LIMCH1: variants seen among roughly 807,000 people sequenced by gnomAD.
The protein encoded by LIMCH1 is LIM and calponin homology domains 1, also known as LIM and calponin homology domains-containing protein 1.
Under a neutral mutation model 176.5 loss-of-function variants are expected in LIMCH1, and 113 were observed. That is an observed-to-expected ratio of 0.64 (90% CI 0.55 to 0.75). The LOEUF (loss-of-function observed/expected upper bound fraction) is 0.75. Among genes scored for constraint, LIMCH1 ranks in the 30% least tolerant of loss-of-function variants. The pLI is 0.00. For missense variants in LIMCH1, 1,674 were observed against 1,814.9 expected, an observed-to-expected ratio of 0.92 and a Z score of 1.41; for synonymous variants, 619 against 645.9, an observed-to-expected ratio of 0.96 and a Z score of 0.63.
Position 41,692,331 on chromosome 4 carries a change from T to A in LIMCH1, c.4325T>A (p.Val1442Asp), listed in dbSNP as rs1726715123. 1 of 1,613,654 alleles carries A rather than the reference T, an allele frequency of 6.2e-7. No individual in the cohort carries two copies. ...QLGDAVSGTD[V>D]RIRNGLLNCN... ...GGAGATGCAGTGAGTGGGACGGATG[T>A]TAGGATTCGAAATGGTCTCCTGAAC... Residue 1442 changes from valine (V) to aspartate (D), a missense_variant, in exon 31 of 32, where the codon GTT (valine) becomes GAT (aspartate). Physicochemically the swap from Val to Asp is radical, Grantham distance 152 (BLOSUM62 -3). Coordinates refer to ENST00000503057, the MANE Select transcript of LIMCH1 (RefSeq NM_001330672.2).
At chr4:41,394,856 T>C (rs1186189886) in intron 1 of LIMCH1, among the ~76,000 whole-genome samples, 1 of 152,210 alleles carries the variant, frequency 6.6e-6, no homozygotes, top group African/African-American at 2.4e-5. Context: ...GAACACTGCC[T>C]GTGTCCCTAG....
At chr4:41,370,202 C>T (rs1010876646) in intron 1 of LIMCH1, among the ~76,000 whole-genome samples, 1 of 152,132 alleles carries the variant, frequency 6.6e-6, no homozygotes, top group African/African-American at 2.4e-5. Context: ...CTCTCACCTT[C>T]TCTTTCTTTC....
At chr4:41,620,070 C>T (rs1199621958) in intron 6 of LIMCH1, 6 of 219,346 alleles carry the variant, frequency 2.7e-5, no homozygotes, top group Non-Finnish European at 5.4e-5. Context: ...CTTCAAGAAT[C>T]TTACAATAAA....
At chr4:41,557,041 A>G (rs2081363939) in intron 1 of LIMCH1, among the ~76,000 whole-genome samples, 1 of 152,168 alleles carries the variant, frequency 6.6e-6, no homozygotes. Flanking sequence ...ATTAATGGCC[A>G]TTCCAGGAAT....
In LIMCH1 at chr4:41,619,348, C is replaced by T. The variant is rs761374389; in HGVS notation, c.366C>T (p.Pro122=). Residue 122 remains proline, a synonymous_variant, in exon 6 of 32, where the codon CCC becomes CCT. Coordinates refer to ENST00000503057, the MANE Select transcript of LIMCH1 (RefSeq NM_001330672.2). ...AAAGCAATCAGACGGCCTACGTCCC[C>T]GCGCCTCTGAGAAAGAAGAAAGCAG... The part of the protein sequence containing the change: ...PNKSNQTAYV[P]APLRKKKAER... 22 of 1,614,052 alleles carry T rather than the reference C, an allele frequency of 1.4e-5. No individual in the cohort carries two copies. Among genetic ancestry groups the T allele is most frequent in the African/African-American group, 5.3e-5 (4 of 74,916 alleles).
At chr4:41,642,904 G>A (rs994723282) in intron 14 of LIMCH1, among the ~76,000 whole-genome samples, 1 of 152,010 alleles carries the variant, frequency 6.6e-6, no homozygotes, top group African/African-American at 2.4e-5. Flanking sequence ...AGAAGCCACA[G>A]CTGCTGAAAT....
intron 2 of LIMCH1, among the ~76,000 whole-genome samples, chr4:41,503,026 C>T (rs2073642215): frequency 6.6e-6 from 1 of 151,966 alleles, no homozygotes; most frequent in South Asian, 2.1e-4. Context: ...TCCATCCATC[C>T]ATCCATCCAT....
chr4:41,392,764 G>C (rs1441632336), intron 1 of LIMCH1, among the ~76,000 whole-genome samples: 1 of 131,518 alleles, frequency 7.6e-6, no homozygotes, highest in Non-Finnish European at 1.5e-5. Context: ...AGGCGCAGTG[G>C]CTTACCCCTG....
intron 1 of LIMCH1, among the ~76,000 whole-genome samples, chr4:41,363,396 G>C (rs1223308093): frequency 1.3e-5 from 2 of 152,154 alleles, no homozygotes; most frequent in Admixed American, 1.3e-4. Context: ...TATTCAGTTG[G>C]TGATTAAATT....
At chr4:41,686,130 A>G (rs1026937752) in intron 28 of LIMCH1, among the ~76,000 whole-genome samples, 1 of 152,200 alleles carries the variant, frequency 6.6e-6, no homozygotes, top group African/African-American at 2.4e-5. Context: ...ATTTGAGTTA[A>G]ATTGCCTCAG....
At chr4:41,627,049 TG>T in intron 8 of LIMCH1, 39 bp downstream of exon 8, 1 of 1,516,742 alleles carries the variant, frequency 6.6e-7, no homozygotes, top group African/African-American at 1.4e-5. Flanking sequence ...TGTGTGTGTG[TG>T]TGTCTATGAA....
At chr4:41,535,991 G>A (rs970071236), upstream of LIMCH1, among the ~76,000 whole-genome samples, 1 of 151,988 alleles carries the variant, frequency 6.6e-6, no homozygotes, top group Non-Finnish European at 1.5e-5. Context: ...AGCAGAATTT[G>A]TGACATTACA....
intron 2 of LIMCH1, among the ~76,000 whole-genome samples, chr4:41,600,735 C>G (rs955426581): frequency 3.3e-5 from 5 of 151,880 alleles, no homozygotes; most frequent in Non-Finnish European, 7.4e-5. Context: ...AATATTCCAT[C>G]TGGTATGATT....
At chr4:41,555,601 A>G (rs1351985273) in intron 1 of LIMCH1, among the ~76,000 whole-genome samples, 1 of 152,210 alleles carries the variant, frequency 6.6e-6, no homozygotes, top group African/African-American at 2.4e-5. Context: ...ATCAGCAGGC[A>G]AAATGCCCTT....
At chr4:41,561,586 C>A (rs986813889) in intron 1 of LIMCH1, among the ~76,000 whole-genome samples, 2 of 152,070 alleles carry the variant, frequency 1.3e-5, no homozygotes, top group Admixed American at 1.3e-4. Flanking sequence ...GTTTGTGTGC[C>A]TTATCTCATA....
At chr4:41,376,118 A>C (rs2054731090) in intron 1 of LIMCH1, among the ~76,000 whole-genome samples, 1 of 152,164 alleles carries the variant, frequency 6.6e-6, no homozygotes, top group Non-Finnish European at 1.5e-5. Flanking sequence ...TCTTTTATGG[A>C]GTTACTTTCT....
intron 29 of LIMCH1, 36 bp from the exon 30 acceptor site, chr4:41,689,491 T>C (rs763368609): frequency 1.7e-6 from 2 of 1,161,894 alleles, no homozygotes; most frequent in Admixed American, 3.4e-5. Flanking sequence ...TATTCTAAAC[T>C]GAAGTTTTTA....
In LIMCH1 at chr4:41,431,074, C is replaced by G. The variant is rs144614821; in HGVS notation, c.97-63462C>G. ...CTGAATGTTCAGACTGTTATTTCTC[C>G]ATCCTCCTCAGATGCATTTCCAGTG... is the stretch of plus-strand genomic sequence containing the variant. On this transcript the variant is annotated intron_variant, in intron 1 of 26. Transcript: ENST00000313860. Among the ~76,000 whole-genome samples the G allele has an allele frequency of 7.2e-5, 11 of 152,356 alleles. No homozygotes were observed. The East Asian group carries it at 2.1e-3, about 29-fold the overall frequency.
chr4:41,685,112 A>G (rs1213949392), intron 27 of LIMCH1, among the ~76,000 whole-genome samples: 2 of 152,240 alleles, frequency 1.3e-5, no homozygotes, highest in Non-Finnish European at 2.9e-5. Context: ...AGGATGAAAG[A>G]ATGACCCTGG....
Sources: allele counts gnomAD v4.1 joint callset (sites outside exome capture counted in the v4.1 genomes callset), GRCh38; gene constraint gnomAD v4.1.1; transcripts MANE v1.5; gene names NCBI Gene and HGNC (gene_info 2026-07-23, HGNC 2026-07-21).